OLFML2B: variants seen among roughly 807,000 people sequenced by gnomAD.
The protein encoded by OLFML2B is olfactomedin like 2B, also known as olfactomedin-like protein 2B.
OLFML2B carries 57 observed loss-of-function variants against 74.9 expected under a neutral mutation model. The observed-to-expected ratio is 0.76, with a 90% CI of 0.61 to 0.95. The LOEUF is 0.95. Ranked by LOEUF, OLFML2B falls within the 40% of genes least tolerant of loss-of-function variation. The pLI is 0.00. For synonymous variants in OLFML2B, 388 were observed against 405.8 expected (o/e 0.96, Z 0.53); for missense variants, 986 against 970.6 (o/e 1.02, Z -0.21).
intron 1 of OLFML2B, among the ~76,000 whole-genome samples, chr1:162,021,920 G>C (rs1450517238): frequency 2.6e-5 from 4 of 152,108 alleles, no homozygotes; most frequent in African/African-American, 9.7e-5. Context: ...GTAATGGGGG[G>C]GCAGAGGGCA....
At chr1:162,000,952 C>T (rs1690066440) in intron 4 of OLFML2B, among the ~76,000 whole-genome samples, 1 of 152,190 alleles carries the variant, frequency 6.6e-6, no homozygotes, top group Non-Finnish European at 1.5e-5. Context: ...CTTGATCTAG[C>T]TCAGCATTCT....
chr1:161,986,607 C>G (rs1366808719), intron 6 of OLFML2B, among the ~76,000 whole-genome samples: 5 of 152,234 alleles, frequency 3.3e-5, no homozygotes, highest in African/African-American at 4.8e-5. Flanking sequence ...TCCCCCAGAG[C>G]TGAGCTCATC....
rs1385553782 is a variant in OLFML2B at position 161,983,586 on chromosome 1, A to G, written c.*89T>C. 7.3e-7 allele frequency: 1 copy of G among 1,377,728 alleles called. No individual in the cohort carries two copies. The highest frequency in any genetic ancestry group is 1.5e-5 in the African/African-American group (1 of 68,798). The allele number at this position is 1,377,728 out of a possible 1,614,324, so 85.3% of individuals were successfully genotyped here. A position where few individuals can be genotyped will look rare whatever the true frequency, so the allele number is the denominator to read the frequency against. On this transcript the variant is annotated 3_prime_UTR_variant, in exon 8 of 8. Coordinates refer to ENST00000294794, the MANE Select transcript of OLFML2B (RefSeq NM_015441.3). ...AAAATAATATATATTTTTAAACAACACATACCCACCTACACACACGTGCGC... is the reference window on the plus strand; with the variant it reads ...AAAATAATATATATTTTTAAACAACGCATACCCACCTACACACACGTGCGC...
At chr1:162,002,893 T>C (rs1690119355) in intron 4 of OLFML2B, among the ~76,000 whole-genome samples, 1 of 152,254 alleles carries the variant, frequency 6.6e-6, no homozygotes. Context: ...GATGATATTT[T>C]AATGAACACC....
At chr1:162,012,077 A>G (rs540353461) in intron 3 of OLFML2B, among the ~76,000 whole-genome samples, 6 of 152,170 alleles carry the variant, frequency 3.9e-5, no homozygotes, top group Admixed American at 2.0e-4. Flanking sequence ...ACTAACTTCG[A>G]CCCTCTGCCT....
At chr1:162,015,172 C>T (rs1690496744) in intron 3 of OLFML2B, among the ~76,000 whole-genome samples, 1 of 152,182 alleles carries the variant, frequency 6.6e-6, no homozygotes, top group Admixed American at 6.5e-5. Context: ...CTAAACATAT[C>T]ACAGCTTTGG....
chr1:162,014,954 A>G (rs1212493700), intron 3 of OLFML2B, among the ~76,000 whole-genome samples: 1 of 152,168 alleles, frequency 6.6e-6, no homozygotes, highest in Non-Finnish European at 1.5e-5. Context: ...ATTTGAAGAA[A>G]CTTACGGGGT....
In OLFML2B at chr1:161,983,876, A is replaced by C. The variant is rs1428765980; in HGVS notation, c.2052T>G (p.Tyr684Ter). 4 of 1,614,116 alleles carry C rather than the reference A, an allele frequency of 2.5e-6. No homozygotes were observed. The highest frequency in any genetic ancestry group is 3.4e-6 in the Non-Finnish European group (4 of 1,180,054). Reference sequence around the variant, plus strand: ...TCCGCTGGTTGTAGCTATCCACGGCATACAGCACCCCACAGATGACGAAGC... The same window carrying C: ...TCCGCTGGTTGTAGCTATCCACGGCCTACAGCACCCCACAGATGACGAAGC... ...GNCFVICGVL[Y>*]AVDSYNQRNA... Residue 684 changes from tyrosine (Y) to a stop codon, truncating the protein, a stop_gained, in exon 8 of 8, where the codon TAT (tyrosine) becomes TAG (stop). Coordinates refer to ENST00000294794, the MANE Select transcript of OLFML2B (RefSeq NM_015441.3). LOFTEE classifies it high-confidence loss of function.
chr1:161,997,359 T>A (rs1012293616), intron 6 of OLFML2B, among the ~76,000 whole-genome samples: 2 of 152,194 alleles, frequency 1.3e-5, no homozygotes, highest in Admixed American at 6.5e-5. Flanking sequence ...GTGGGGCTCA[T>A]GATTTTGCAC....
At chr1:162,004,747 A>C (rs1690173466) in intron 4 of OLFML2B, among the ~76,000 whole-genome samples, 1 of 152,190 alleles carries the variant, frequency 6.6e-6, no homozygotes, top group Admixed American at 6.5e-5. Flanking sequence ...AATGCTTCCC[A>C]AAAGTTCTTC....
At chr1:162,016,467 A>C (rs74125100) in intron 3 of OLFML2B, among the ~76,000 whole-genome samples, 1 of 152,230 alleles carries the variant, frequency 6.6e-6, no homozygotes, top group African/African-American at 2.4e-5. Context: ...CCACTTTTTC[A>C]TAAGGAATAT....
At chr1:161,992,973 T>A (rs1416275954) in intron 6 of OLFML2B, among the ~76,000 whole-genome samples, 2 of 146,570 alleles carry the variant, frequency 1.4e-5, no homozygotes. Flanking sequence ...TGTAAAAAAA[T>A]GCACTCTCTG....
chr1:162,017,513 A>C lies in OLFML2B; in HGVS notation c.439-6T>G. The C allele has an allele frequency of 6.2e-7, 1 of 1,607,092 alleles. No homozygotes were observed. The highest frequency in any genetic ancestry group is 1.3e-5 in the African/African-American group (1 of 74,752). ...ATGTCTATGATTGTGGAGAGCTATG[A>C]AACAAGGCAAGGGGTTAGTCCAGGG... On this transcript the variant is annotated splice_polypyrimidine_tract_variant and splice_region_variant and intron_variant, in intron 2 of 7. Transcript: ENST00000294794.
At chr1:161,997,024 G>A (rs1689929307) in intron 6 of OLFML2B, among the ~76,000 whole-genome samples, 2 of 152,158 alleles carry the variant, frequency 1.3e-5, no homozygotes, top group African/African-American at 4.8e-5. Flanking sequence ...GGGCATGGTG[G>A]CGGGCACCTG....
chr1:161,999,587 A>G (rs1411397452), intron 5 of OLFML2B, among the ~76,000 whole-genome samples: 1 of 152,032 alleles, frequency 6.6e-6, no homozygotes, highest in Non-Finnish European at 1.5e-5. Flanking sequence ...AGAAGACAAG[A>G]GGAGGAGGAG....
chr1:162,006,139 G>A (rs1328752853), intron 4 of OLFML2B, among the ~76,000 whole-genome samples, 158 bp downstream of exon 4: 2 of 152,132 alleles, frequency 1.3e-5, no homozygotes, highest in Non-Finnish European at 2.9e-5. Context: ...GGAGTCAACT[G>A]CTCATCAAAT....
At position 161,983,607 on chromosome 1, in the gene OLFML2B, T is replaced by C; in HGVS notation, c.*68A>G. 3 of 1,517,240 alleles carry C rather than the reference T, an allele frequency of 2.0e-6. No homozygotes were observed. Among genetic ancestry groups the C allele is most frequent in the East Asian group, 2.3e-5 (1 of 43,928 alleles). The allele number at this position is 1,517,240 out of a possible 1,614,324, so 94.0% of individuals were successfully genotyped here. On this transcript the variant is annotated 3_prime_UTR_variant, in exon 8 of 8. Coordinates refer to ENST00000294794, the MANE Select transcript of OLFML2B (RefSeq NM_015441.3). ...CAACACATACCCACCTACACACACGTGCGCGCACACACATACACACAAGGT... is the reference window on the plus strand; with the variant it reads ...CAACACATACCCACCTACACACACGCGCGCGCACACACATACACACAAGGT...
rs34863451 is a variant in OLFML2B, at chr1:162,006,482, GA to G, written c.547-10del. Reference sequence around the variant, plus strand: ...AGGTTTTTAGACACTTCCTGAGAAGGAAAAAAAAAAGATGATCCATTAAAGC... The same window carrying G: ...AGGTTTTTAGACACTTCCTGAGAAGGAAAAAAAAAGATGATCCATTAAAGC... On this transcript the variant is annotated splice_polypyrimidine_tract_variant and intron_variant, in intron 3 of 7. Coordinates refer to ENST00000294794, the MANE Select transcript of OLFML2B (RefSeq NM_015441.3). 7.5e-5 allele frequency: 85 copies of G among 1,136,076 alleles called. No individual in the cohort carries two copies. Among genetic ancestry groups the G allele is most frequent in the Admixed American group, 2.2e-4 (8 of 36,932 alleles). The allele number at this position is 1,136,076 out of a possible 1,614,324, so 70.4% of individuals were successfully genotyped here.
At position 161,983,432 on chromosome 1, in the gene OLFML2B, A is replaced by C. The variant is rs1362204933; in HGVS notation, c.*243T>G. The C allele has an allele frequency of 1.4e-5, 5 of 363,476 alleles. No individual in the cohort carries two copies. The highest frequency in any genetic ancestry group is 2.5e-5 in the Non-Finnish European group (5 of 203,532). 22.5% of individuals were successfully genotyped at this position (363,476 alleles called of 1,614,324 possible). On this transcript the variant is annotated 3_prime_UTR_variant, in exon 8 of 8. Transcript: ENST00000294794. ...TTGAAGGAAGGTGGTTACTGGTCAAAAGGAGAAGTTCATTTGCACAAAAAT... is the reference window on the plus strand; with the variant it reads ...TTGAAGGAAGGTGGTTACTGGTCAACAGGAGAAGTTCATTTGCACAAAAAT...
Sources: allele counts gnomAD v4.1 joint callset (sites outside exome capture counted in the v4.1 genomes callset), GRCh38; gene constraint gnomAD v4.1.1; transcripts MANE v1.5; gene names NCBI Gene and HGNC (gene_info 2026-07-23, HGNC 2026-07-21).